NPDC1: variants seen among roughly 807,000 people sequenced by gnomAD.
The protein encoded by NPDC1 is neural proliferation differentiation and control protein 1.
In NPDC1, 18 loss-of-function variants were observed where a neutral mutation model predicts 32.5. That is an observed-to-expected ratio of 0.55 (90% CI 0.38 to 0.82). The LOEUF is 0.82. Ranked by LOEUF, NPDC1 falls within the 40% of genes least tolerant of loss-of-function variation. The probability of loss-of-function intolerance (pLI) is 0.00; values close to 1 mark genes in which losing one functional copy is unlikely to be tolerated. For missense variants in NPDC1, 468 were observed against 406.6 expected (o/e 1.15, Z -1.30); for synonymous variants, 210 against 184.7 (o/e 1.14, Z -1.11).
chr9:137,042,261 T>G (rs1367347483), intron 2 of NPDC1, among the ~76,000 whole-genome samples: 1 of 148,860 alleles, frequency 6.7e-6, no homozygotes, highest in Non-Finnish European at 1.5e-5. Context: ...GGCTGCTGCT[T>G]TTTTTTTTTT....
At chr9:137,040,259 G>GGCCT (rs1211574183) in intron 7 of NPDC1, 98 bp downstream of exon 7, 38 of 1,167,382 alleles carry the variant, frequency 3.3e-5, no homozygotes, top group Non-Finnish European at 4.1e-5. Flanking sequence ...AGGGTGGCAG[G>GGCCT]GCCTGGGGTA....
In NPDC1 at chr9:137,042,938, C is replaced by T. The variant is rs770637803; in HGVS notation, c.248G>A (p.Arg83His). Reference protein sequence around the residue: ...DQQGLCVPRMRRPPGGGRPQP... With the variant: ...DQQGLCVPRMHRPPGGGRPQP... Reference sequence around the variant, plus strand: ...CTTTGCTCTCGTACCTGGAGGCCGGCGCATCCTGGGCACACAGAGCCCTTG... The same window carrying T: ...CTTTGCTCTCGTACCTGGAGGCCGGTGCATCCTGGGCACACAGAGCCCTTG... The change falls in exon 2 of 9, where the codon CGC becomes CAC. Residue 83 changes from arginine (R) to histidine (H), a missense_variant. Transcript: ENST00000371601. 7 of 1,596,856 alleles carry T rather than the reference C, an allele frequency of 4.4e-6. No individual in the cohort carries two copies. Among genetic ancestry groups the T allele is most frequent in the African/African-American group, 1.3e-5 (1 of 74,454 alleles).
rs777733487 is a variant in NPDC1, at chr9:137,040,868, C to G, written c.502G>C (p.Val168Leu). ...SLGSPVSSDP[V>L]HMSPLEPRGG... ...CGGGGCTCCAGGGGCGACATGTGCACCGGGTCGGATGACACAGGGGAGCCC... is the reference window on the plus strand; with the variant it reads ...CGGGGCTCCAGGGGCGACATGTGCAGCGGGTCGGATGACACAGGGGAGCCC... Residue 168 changes from valine to leucine, a missense_variant, in exon 4 of 9, where the codon GTG becomes CTG. By Grantham distance (32) the Val-to-Leu change is conservative. Coordinates refer to ENST00000371601, the MANE Select transcript of NPDC1 (RefSeq NM_015392.4). The G allele has an allele frequency of 5.6e-6, 9 of 1,599,410 alleles. No homozygotes were observed. The South Asian group carries it at 1.0e-4, about 18-fold the overall frequency.
chr9:137,039,774 A>G lies in NPDC1; in HGVS notation c.976T>C (p.Ter326ArgextTer?). The G allele has an allele frequency of 2.6e-6, 2 of 770,272 alleles. No individual in the cohort carries two copies. Among genetic ancestry groups the G allele is most frequent in the Non-Finnish European group, 4.8e-6 (2 of 412,790 alleles). 47.7% of individuals were successfully genotyped at this position (770,272 alleles called of 1,614,324 possible). A position where few individuals can be genotyped will look rare whatever the true frequency, so the allele number is the denominator to read the frequency against. ...PAPSSPPALP[*>R] ...GTGGGCGTCTGTCTGCCTCCAGGTC[A>G]TGGCAGTGCAGGCGGTGAGCTGGGG... is the stretch of plus-strand genomic sequence containing the variant. Residue 326 changes from the stop codon to arginine (R), a stop_lost, in exon 9 of 9, where the codon TGA becomes CGA. Transcript: ENST00000371601.
intron 5 of NPDC1, 21 bp from the exon 6 acceptor site, chr9:137,040,619 G>A: frequency 6.4e-7 from 1 of 1,564,234 alleles, no homozygotes; most frequent in Middle Eastern, 1.7e-4. Context: ...TGGGGCCTGA[G>A]ACCTCTGAGC....
rs1050629289 is a variant in NPDC1 at position 137,046,116 on chromosome 9, A to AAGGAGG, written c.-133_-128dup. The stretch of plus-strand genomic sequence containing the variant: ...GCAGGAGGAAGAAGAGGCGGATGCC[A>AAGGAGG]AGGAGGAGGAGGAGGAAGAGGAAAG... On this transcript the variant is annotated 5_prime_UTR_variant, in exon 1 of 9. Transcript: ENST00000371601. 2 of 1,088,840 alleles carry AAGGAGG rather than the reference A, an allele frequency of 1.8e-6. No individual in the cohort carries two copies. Among genetic ancestry groups the AAGGAGG allele is most frequent in the South Asian group, 4.5e-5 (1 of 22,236 alleles). 67.4% of individuals were successfully genotyped at this position (1,088,840 alleles called of 1,614,324 possible). A position where few individuals can be genotyped will look rare whatever the true frequency, so the allele number is the denominator to read the frequency against.
At chr9:137,045,280 G>A (rs1056829770) in intron 1 of NPDC1, among the ~76,000 whole-genome samples, 29 of 152,250 alleles carry the variant, frequency 1.9e-4, no homozygotes, top group African/African-American at 6.8e-4. Flanking sequence ...GATGCAGGCG[G>A]AGGCTCTGAG....
At position 137,040,969 on chromosome 9, in the gene NPDC1, G is replaced by A. The variant is rs760790152; in HGVS notation, c.401C>T (p.Ser134Leu). ...CAGCTCCAGCCCCTGCCCCCGTGCCGAGAAGCCCAGGGTGGCTGCGAGAGA... is the reference window on the plus strand; with the variant it reads ...CAGCTCCAGCCCCTGCCCCCGTGCCAAGAAGCCCAGGGTGGCTGCGAGAGA... The part of the protein sequence containing the change: ...RLPEPATLGF[S>L]ARGQGLELGL... The change falls in exon 4 of 9, where the codon TCG becomes TTG. Residue 134 changes from serine (S) to leucine (L), a missense_variant. Ser to Leu is a moderately radical substitution (Grantham distance 145, BLOSUM62 -2). Coordinates refer to ENST00000371601, the MANE Select transcript of NPDC1 (RefSeq NM_015392.4). The A allele has an allele frequency of 1.3e-4, 198 of 1,543,290 alleles. No homozygotes were observed. Among genetic ancestry groups the A allele is most frequent in the Middle Eastern group, 3.5e-4 (2 of 5,792 alleles).
chr9:137,040,548 T>G lies in NPDC1; in HGVS notation c.674A>C (p.Lys225Thr). ...GGGAGCTGCAGGTGAGCCAGGGGCC[T>G]TCGCAGTGGCGTAGTCGGCCTTCTG... ...LTQKADYATAKAPGSPAAPRI... is the reference protein window; with the variant it reads ...LTQKADYATATAPGSPAAPRI... The change falls in exon 6 of 9, where the codon AAG becomes ACG. Residue 225 changes from lysine to threonine, a missense_variant. Lys to Thr is a moderately conservative substitution (Grantham distance 78). Transcript: ENST00000371601. The G allele has an allele frequency of 6.3e-7, 1 of 1,588,242 alleles. No homozygotes were observed. The highest frequency in any genetic ancestry group is 8.5e-7 in the Non-Finnish European group (1 of 1,173,178).
At position 137,043,493 on chromosome 9, in the gene NPDC1, G is replaced by A. The variant is rs1422347985; in HGVS notation, c.113-420C>T. The A allele has an allele frequency of 5.1e-5, 31 of 611,314 alleles. No individual in the cohort carries two copies. In the South Asian group the frequency reaches 5.3e-4, roughly 10 times the overall value. The allele number at this position is 611,314 out of a possible 1,614,324, so 37.9% of individuals were successfully genotyped here. The stretch of plus-strand genomic sequence containing the variant: ...AAGGGCCCAGGTCTGTCTCTGGGGA[G>A]CAGCAAACGATGCCGCCAGCGACCT... On this transcript the variant is annotated intron_variant, in intron 1 of 8. Coordinates refer to ENST00000371601, the MANE Select transcript of NPDC1 (RefSeq NM_015392.4).
chr9:137,045,930 G>A lies in NPDC1; in HGVS notation c.60C>T (p.Leu20=). ...PRHLRLLRLL[L]SGLVLGAALR... is the part of the protein sequence containing the mutation. ...GGGCGGCGCCGAGGACGAGGCCGGA[G>A]AGCAGCAGCCGCAGCAGCCGCAGGT... Residue 20 remains leucine, a synonymous_variant, in exon 1 of 9, where the codon CTC becomes CTT. Transcript: ENST00000371601. 2 of 1,179,878 alleles carry A rather than the reference G, an allele frequency of 1.7e-6. No homozygotes were observed. Among genetic ancestry groups the A allele is most frequent in the Non-Finnish European group, 1.0e-6 (1 of 954,786 alleles). 73.1% of individuals were successfully genotyped at this position (1,179,878 alleles called of 1,614,324 possible). A position where few individuals can be genotyped will look rare whatever the true frequency, so the allele number is the denominator to read the frequency against.
rs1282212347 is a variant in NPDC1 at position 137,039,760 on chromosome 9, T to C, written c.*12A>G. 1.3e-6 allele frequency: 1 copy of C among 751,712 alleles called. No homozygotes were observed. The highest frequency in any genetic ancestry group is 2.5e-5 in the East Asian group (1 of 40,508). 46.6% of individuals were successfully genotyped at this position (751,712 alleles called of 1,614,324 possible). A position where few individuals can be genotyped will look rare whatever the true frequency, so the allele number is the denominator to read the frequency against. On this transcript the variant is annotated 3_prime_UTR_variant, in exon 9 of 9. Coordinates refer to ENST00000371601, the MANE Select transcript of NPDC1 (RefSeq NM_015392.4). The stretch of plus-strand genomic sequence containing the variant: ...AGGTCGGGGAGCAGGTGGGCGTCTG[T>C]CTGCCTCCAGGTCATGGCAGTGCAG...
intron 2 of NPDC1, among the ~76,000 whole-genome samples, chr9:137,042,101 G>C (rs1316104681): frequency 1.3e-5 from 2 of 152,268 alleles, no homozygotes; most frequent in Non-Finnish European, 2.9e-5. Flanking sequence ...GGGAGGGCCT[G>C]ACTGCCCCAG....
Position 137,043,059 on chromosome 9 carries a change from G to A in NPDC1, c.127C>T (p.Pro43Ser), listed in dbSNP as rs749042743. The change falls in exon 2 of 9, where the codon CCC becomes TCC. Residue 43 changes from proline (P) to serine (S), a missense_variant. Coordinates refer to ENST00000371601, the MANE Select transcript of NPDC1 (RefSeq NM_015392.4). ...AAGHPDVAACPGSLDCALKRR... is the reference protein window; with the variant it reads ...AAGHPDVAACSGSLDCALKRR... ...TTCAGGGCACAGTCCAGGCTCCCGG[G>A]ACAGGCGGCTACATCTGGGAAGGAA... 10 of 1,612,558 alleles carry A rather than the reference G, an allele frequency of 6.2e-6. No homozygotes were observed. The highest frequency in any genetic ancestry group is 7.6e-6 in the Non-Finnish European group (9 of 1,179,860).
chr9:137,041,174 G>C lies in NPDC1; in HGVS notation c.273C>G (p.Pro91=), dbSNP rs1832045813. 1.4e-6 allele frequency: 2 copies of C among 1,453,794 alleles called. No individual in the cohort carries two copies. The highest frequency in any genetic ancestry group is 1.8e-6 in the Non-Finnish European group (2 of 1,101,902). The allele number at this position is 1,453,794 out of a possible 1,614,324, so 90.1% of individuals were successfully genotyped here. Residue 91 remains proline (P), a synonymous_variant, in exon 3 of 9, where the codon CCC becomes CCG. Transcript: ENST00000371601. ...RMRRPPGGGR[P]QPRLEDEIDF... ...CAATCTCATCTTCCAGTCTGGGCTG[G>C]GGCCGGCCCCCGCCTGGGGAGGGTG...
rs973899361 is a variant in NPDC1 at position 137,040,358 on chromosome 9, G to T, written c.787C>A (p.Arg263=). The change falls in exon 7 of 9, where the codon CGG becomes AGG. Residue 263 remains arginine, a splice_region_variant and synonymous_variant. Transcript: ENST00000371601. The part of the protein sequence containing the change: ...HQRQQMLCLE[R]HKEPPKELDT... The stretch of plus-strand genomic sequence containing the variant: ...GGCAGTGCCGGGGCGGCCACTCACC[G>T]CTCCAGGCACAGCATCTGTTGCCGT... 6.5e-7 allele frequency: 1 copy of T among 1,542,572 alleles called. No homozygotes were observed. The highest frequency in any genetic ancestry group is 2.4e-5 in the East Asian group (1 of 40,884).
chr9:137,040,756 G>A lies in NPDC1; in HGVS notation c.557-19C>T, dbSNP rs775600746. The A allele has an allele frequency of 1.9e-6, 3 of 1,587,522 alleles. No individual in the cohort carries two copies. The highest frequency in any genetic ancestry group is 2.6e-6 in the Non-Finnish European group (3 of 1,172,476). On this transcript the variant is annotated intron_variant, in intron 4 of 8. Transcript: ENST00000371601. ...ATCAGCACTGCAGGAGGGGGCGTGT[G>A]AGGGCGGCCTTCTGCAGGGCGCCCT...
rs961475383 is a variant in NPDC1 at position 137,041,077 on chromosome 9, G to A, written c.370C>T (p.Arg124Trp). The change falls in exon 3 of 9, where the codon CGG becomes TGG. Residue 124 changes from arginine to tryptophan, a missense_variant. Arg to Trp is a moderately radical substitution (Grantham distance 101). Transcript: ENST00000371601. The stretch of plus-strand genomic sequence containing the variant: ...GGGGTCTCACCAGGCTCCGGGAGCC[G>A]CTGTCGGTCCTTGGGTAGGGGCGGA... ...STPPLPKDRQ[R>W]LPEPATLGFS... 7.9e-5 allele frequency: 121 copies of A among 1,524,506 alleles called. 1 individual carries two copies. The Admixed American group carries it at 1.0e-3, about 13-fold the overall frequency. The allele number at this position is 1,524,506 out of a possible 1,614,324, so 94.4% of individuals were successfully genotyped here.
chr9:137,039,753 G>T lies in NPDC1; in HGVS notation c.*19C>A, dbSNP rs777801670. On this transcript the variant is annotated 3_prime_UTR_variant, in exon 9 of 9. Coordinates refer to ENST00000371601, the MANE Select transcript of NPDC1 (RefSeq NM_015392.4). ...GGCCTCGAGGTCGGGGAGCAGGTGG[G>T]CGTCTGTCTGCCTCCAGGTCATGGC... is the stretch of plus-strand genomic sequence containing the variant. 1.3e-6 allele frequency: 1 copy of T among 746,230 alleles called. No homozygotes were observed. Among genetic ancestry groups the T allele is most frequent in the Non-Finnish European group, 2.5e-6 (1 of 400,476 alleles). The allele number at this position is 746,230 out of a possible 1,614,324, so 46.2% of individuals were successfully genotyped here.
Sources: gnomAD v4.1 joint callset for allele counts (sites outside exome capture counted in the v4.1 genomes callset) on GRCh38, gnomAD v4.1.1 for gene constraint, MANE v1.5 for transcripts, NCBI Gene and HGNC (gene_info 2026-07-23, HGNC 2026-07-21) for gene names.